ENDOV: variants seen among roughly 807,000 people sequenced by gnomAD.
The protein encoded by ENDOV is endonuclease V.
A neutral mutation model predicts 39.4 loss-of-function variants in ENDOV; 37 were observed. The observed-to-expected ratio is 0.94, with a 90% confidence interval of 0.72 to 1.23. ENDOV has a LOEUF of 1.23. Ranked by LOEUF, ENDOV falls within the 50% of genes most tolerant of loss-of-function variation. ENDOV has a pLI of 0.00. For synonymous variants in ENDOV, 186 were observed against 163.4 expected (o/e 1.14, Z -1.05); for missense variants, 441 against 375.7 (o/e 1.17, Z -1.44).
chr17:80,433,308 C>G (rs1383537691), intron 9 of ENDOV: 1 of 480,434 alleles, frequency 2.1e-6, no homozygotes, highest in African/African-American at 2.0e-5. Flanking sequence ...AGCAGGGAGC[C>G]TTGGCACATG....
intron 2 of ENDOV, chr17:80,419,372 G>T (rs773200068): frequency 1.7e-5 from 9 of 542,414 alleles, no homozygotes; most frequent in Admixed American, 3.2e-5. Context: ...CGATGGCGGA[G>T]CCCGTTCTGT....
At position 80,415,216 on chromosome 17, in the gene ENDOV, G is replaced by A; in HGVS notation, c.22G>A (p.Gly8Arg). Residue 8 changes from glycine to arginine, a missense_variant, in exon 1 of 10, where the codon GGG becomes AGG. Coordinates refer to ENST00000518137, the MANE Select transcript of ENDOV (RefSeq NM_173627.5). The stretch of plus-strand genomic sequence containing the variant: ...AGCCATGGCCCTGGAGGCGGCGGGA[G>A]GGCCGCCGGAGGAAACGCTGTCACT... MALEAAGGPPEETLSLWK... is the reference protein window; with the variant it reads MALEAAGRPPEETLSLWK... 5 of 1,613,376 alleles carry A rather than the reference G, an allele frequency of 3.1e-6. No individual in the cohort carries two copies. The highest frequency in any genetic ancestry group is 4.2e-6 in the Non-Finnish European group (5 of 1,179,718).
Position 80,429,886 on chromosome 17 carries a change from C to T in ENDOV, c.838+55C>T, listed in dbSNP as rs576610223. 8.5e-5 allele frequency: 137 copies of T among 1,612,430 alleles called. No homozygotes were observed. In the African/African-American group the frequency reaches 1.5e-3, roughly 18 times the overall value. Reference sequence around the variant, plus strand: ...CCAGGCCCCAGGACAGCCCCAAGGCCAGGCTCCCAGGAGCAGGCGGGCAAG... The same window carrying T: ...CCAGGCCCCAGGACAGCCCCAAGGCTAGGCTCCCAGGAGCAGGCGGGCAAG... On this transcript the variant is annotated intron_variant, in intron 9 of 9. Transcript: ENST00000518137.
chr17:80,436,295 C>A lies in ENDOV; in HGVS notation c.*152C>A. 1 of 1,557,606 alleles carries A rather than the reference C, an allele frequency of 6.4e-7. No homozygotes were observed. Among genetic ancestry groups the A allele is most frequent in the Middle Eastern group, 2.2e-4 (1 of 4,522 alleles). On this transcript the variant is annotated 3_prime_UTR_variant, in exon 10 of 10. Coordinates refer to ENST00000518137, the MANE Select transcript of ENDOV (RefSeq NM_173627.5). Reference sequence around the variant, plus strand: ...CGAACGCGGTGGTGAGAGCACACGTCCTCGTCTCGTTCCTGATCGAACGTG... The same window carrying A: ...CGAACGCGGTGGTGAGAGCACACGTACTCGTCTCGTTCCTGATCGAACGTG...
At chr17:80,434,089 C>T (rs2083472809) in intron 9 of ENDOV, among the ~76,000 whole-genome samples, 1 of 152,198 alleles carries the variant, frequency 6.6e-6, no homozygotes, top group East Asian at 1.9e-4. Flanking sequence ...ACCCTGGCAC[C>T]CAGCAAGGGC....
chr17:80,426,576 A>C (rs1483750102), intron 7 of ENDOV, among the ~76,000 whole-genome samples: 1 of 152,232 alleles, frequency 6.6e-6, no homozygotes, highest in Non-Finnish European at 1.5e-5. Flanking sequence ...ACCTGAGCCC[A>C]GGAGGTCGAG....
At chr17:80,425,464 A>G (rs760280226) in intron 6 of ENDOV, 28 bp from the exon 7 acceptor site, 2 of 1,582,884 alleles carry the variant, frequency 1.3e-6, no homozygotes, top group Non-Finnish European at 1.7e-6. Context: ...CCCAGCCCAC[A>G]GGACAGCCCT....
chr17:80,435,896 G>A (rs561668781), intron 9 of ENDOV, among the ~76,000 whole-genome samples: 10 of 152,004 alleles, frequency 6.6e-5, no homozygotes, highest in Non-Finnish European at 1.5e-4. Context: ...GATTACAGGC[G>A]TGAGCCATTG....
chr17:80,428,836 G>T (rs2083052305), intron 8 of ENDOV, among the ~76,000 whole-genome samples, 176 bp downstream of exon 8: 1 of 152,142 alleles, frequency 6.6e-6, no homozygotes, highest in Non-Finnish European at 1.5e-5. Flanking sequence ...GAGTGGAGTG[G>T]GGTAGACTCC....
intron 2 of ENDOV, among the ~76,000 whole-genome samples, chr17:80,416,599 C>G (rs1443719020): frequency 6.6e-6 from 1 of 152,158 alleles, no homozygotes; most frequent in South Asian, 2.1e-4. Context: ...GGTGCCCTGG[C>G]TCAAATGTTC....
At chr17:80,416,105 C>T (rs984362676) in intron 2 of ENDOV, 14 of 304,752 alleles carry the variant, frequency 4.6e-5, no homozygotes, top group African/African-American at 2.5e-4. Context: ...GGTGTGGTGG[C>T]ATATACCTGT....
In ENDOV at chr17:80,436,418, A is replaced by G. The variant is rs1257282483; in HGVS notation, c.*275A>G. Reference sequence around the variant, plus strand: ...GATGTGAGCTGTTAGATTTTCAAGGATGCTCTTCATCCAGCTGAAGACGGT... The same window carrying G: ...GATGTGAGCTGTTAGATTTTCAAGGGTGCTCTTCATCCAGCTGAAGACGGT... On this transcript the variant is annotated 3_prime_UTR_variant, in exon 10 of 10. Transcript: ENST00000518137. 7.5e-7 allele frequency: 1 copy of G among 1,340,048 alleles called. No homozygotes were observed. Among genetic ancestry groups the G allele is most frequent in the African/African-American group, 1.5e-5 (1 of 68,186 alleles). 83.0% of individuals were successfully genotyped at this position (1,340,048 alleles called of 1,614,324 possible).
intron 9 of ENDOV, among the ~76,000 whole-genome samples, chr17:80,435,002 G>A (rs2083518518): frequency 6.6e-6 from 1 of 152,222 alleles, no homozygotes; most frequent in African/African-American, 2.4e-5. Context: ...GCTAATGGTG[G>A]TGAGCGCCTT....
chr17:80,425,305 C>G (rs569891869), intron 6 of ENDOV, among the ~76,000 whole-genome samples, 187 bp from the exon 7 acceptor site: 2 of 152,294 alleles, frequency 1.3e-5, no homozygotes, highest in East Asian at 3.9e-4. Flanking sequence ...GGGAGCCCAC[C>G]CTCCCCCAGG....
In ENDOV at chr17:80,423,630, A is replaced by G; in HGVS notation, c.514A>G (p.Lys172Glu). 6.4e-7 allele frequency: 1 copy of G among 1,550,528 alleles called. No homozygotes were observed. The highest frequency in any genetic ancestry group is 8.7e-7 in the Non-Finnish European group (1 of 1,147,674). Residue 172 changes from lysine to glutamate, a missense_variant and splice_region_variant, in exon 5 of 10, where the codon AAG (lysine) becomes GAG (glutamate). Lys to Glu is a moderately conservative substitution (Grantham distance 56, BLOSUM62 1). Transcript: ENST00000518137. ...GGAGAACAACGCCCTGCACAAGGAGAAGGTGAGGAGGGGCCTGCTGCAGGC... is the reference window on the plus strand; with the variant it reads ...GGAGAACAACGCCCTGCACAAGGAGGAGGTGAGGAGGGGCCTGCTGCAGGC... ...GLENNALHKE[K>E]IRLLQTRGDS...
At chr17:80,431,003 G>A (rs973192807) in intron 9 of ENDOV, among the ~76,000 whole-genome samples, 3 of 152,186 alleles carry the variant, frequency 2.0e-5, no homozygotes, top group African/African-American at 7.2e-5. Flanking sequence ...CCCTTGACAT[G>A]CCGGCTGGCC....
chr17:80,423,623 C>T lies in ENDOV; in HGVS notation c.507C>T (p.His169=). 6.4e-7 allele frequency: 1 copy of T among 1,551,522 alleles called. No individual in the cohort carries two copies. The highest frequency in any genetic ancestry group is 8.7e-7 in the Non-Finnish European group (1 of 1,148,194). ...ATGGGCTGGAGAACAACGCCCTGCA[C>T]AAGGAGAAGGTGAGGAGGGGCCTGC... The part of the protein sequence containing the change: ...QVDGLENNAL[H]KEKIRLLQTR... Residue 169 remains histidine, a synonymous_variant, in exon 5 of 10, where the codon CAC becomes CAT. Coordinates refer to ENST00000518137, the MANE Select transcript of ENDOV (RefSeq NM_173627.5).
chr17:80,427,668 G>A (rs2082881123), intron 7 of ENDOV: 2 of 1,254,456 alleles, frequency 1.6e-6, no homozygotes, highest in African/African-American at 1.5e-5. Flanking sequence ...CTCTCAACAG[G>A]TTCACCTCCT....
intron 9 of ENDOV, among the ~76,000 whole-genome samples, chr17:80,435,739 T>C (rs6565690): frequency 0.75 from 112,883 of 151,480 alleles, 42,116 homozygotes; most frequent in South Asian, 0.83. Flanking sequence ...CTCAGCCTCC[T>C]GAGTAGCTGG....
Sources: allele counts gnomAD v4.1 joint callset (sites outside exome capture counted in the v4.1 genomes callset), GRCh38; gene constraint gnomAD v4.1.1; transcripts MANE v1.5; gene names NCBI Gene and HGNC (gene_info 2026-07-23, HGNC 2026-07-21).